The following DPH6 variants were observed in gnomAD, a reference collection of about 807,000 sequenced individuals.
The protein encoded by DPH6 is diphthine--ammonia ligase.
Under a neutral mutation model 38.2 loss-of-function variants are expected in DPH6, and 33 were observed. The observed-to-expected ratio is 0.86, with a 90% CI of 0.65 to 1.15. DPH6 has a LOEUF of 1.15. Ranked by LOEUF, DPH6 falls within the 50% of genes most tolerant of loss-of-function variation. DPH6 has a pLI of 0.00. For missense variants in DPH6, 325 were observed against 320.0 expected (o/e 1.02, Z -0.12); for synonymous variants, 108 against 103.0 (o/e 1.05, Z -0.30).
chr15:35,246,588 C>A (rs1032355522), intron 3 of DPH6, among the ~76,000 whole-genome samples: 4 of 152,134 alleles, frequency 2.6e-5, no homozygotes, highest in Non-Finnish European at 5.9e-5. Flanking sequence ...TTTGCACTAC[C>A]CCATGATACA....
chr15:35,399,348 A>C (rs2053187946), intron 6 of DPH6, among the ~76,000 whole-genome samples: 1 of 152,202 alleles, frequency 6.6e-6, no homozygotes, highest in African/African-American at 2.4e-5. Context: ...AAATTCTAGA[A>C]AGAACAAAAT....
chr15:35,252,274 T>TG (rs2051680162), intron 3 of DPH6, among the ~76,000 whole-genome samples: 1 of 152,182 alleles, frequency 6.6e-6, no homozygotes, highest in South Asian at 2.1e-4. Flanking sequence ...ATGAAAAAAT[T>TG]GAAGCACAGA....
chr15:35,485,024 C>CAG (rs1484271988), intron 3 of DPH6, among the ~76,000 whole-genome samples: 1 of 152,108 alleles, frequency 6.6e-6, no homozygotes, highest in African/African-American at 2.4e-5. Flanking sequence ...CATTTATTGA[C>CAG]TACTTACCAC....
chr15:35,423,456 T>C (rs2053531248), intron 5 of DPH6, among the ~76,000 whole-genome samples: 1 of 151,726 alleles, frequency 6.6e-6, no homozygotes, highest in Non-Finnish European at 1.5e-5. Context: ...CTCCTTAACA[T>C]ATATAGGATT....
At chr15:35,489,360 C>T in intron 3 of DPH6, 1 of 985,292 alleles carries the variant, frequency 1.0e-6, no homozygotes, top group Non-Finnish European at 1.2e-6. Context: ...ATCCCTGGTC[C>T]CAGTTTCATT....
chr15:35,249,822 C>T (rs2051659367), intron 3 of DPH6, among the ~76,000 whole-genome samples: 1 of 152,044 alleles, frequency 6.6e-6, no homozygotes, highest in South Asian at 2.1e-4. Flanking sequence ...TACTTATAAG[C>T]ACAGCATAAA....
chr15:35,506,082 G>C (rs1467527708), intron 3 of DPH6, among the ~76,000 whole-genome samples: 1 of 151,922 alleles, frequency 6.6e-6, no homozygotes, highest in African/African-American at 2.4e-5. Context: ...ATTTGTTAAG[G>C]AAAAAACTTA....
intron 3 of DPH6, among the ~76,000 whole-genome samples, chr15:35,306,088 T>C (rs1170920737): frequency 4.6e-5 from 7 of 152,174 alleles, no homozygotes; most frequent in African/African-American, 1.2e-4. Context: ...TCTCAAATGA[T>C]TGATGTGCTA....
chr15:35,492,656 A>G (rs2054500321), intron 3 of DPH6, among the ~76,000 whole-genome samples: 1 of 152,164 alleles, frequency 6.6e-6, no homozygotes, highest in African/African-American at 2.4e-5. Flanking sequence ...TCTGCCAGGT[A>G]TTTAACATGT....
chr15:35,328,429 G>T (rs915676611), downstream of DPH6, among the ~76,000 whole-genome samples: 8 of 152,044 alleles, frequency 5.3e-5, no homozygotes, highest in African/African-American at 1.9e-4. Context: ...TAAACGTTGT[G>T]AGTACAGAAA....
rs550033907 is a variant in DPH6 at position 35,417,537 on chromosome 15, G to A, written c.506-6641C>T. ...CATTTTAAAAAAAGTCAATGTCTGA[G>A]TTAAATTTTAACACAAAAGCTAGAC... On this transcript the variant is annotated intron_variant, in intron 5 of 8. Coordinates refer to ENST00000256538, the MANE Select transcript of DPH6 (RefSeq NM_080650.4). Among the ~76,000 whole-genome samples, 154 of 152,046 alleles carry A rather than the reference G, an allele frequency of 1.0e-3. 1 individual carries two copies. The highest frequency in any genetic ancestry group is 3.6e-3 in the African/African-American group (149 of 41,498).
At chr15:35,234,716 T>G (rs1037065728) in intron 3 of DPH6, among the ~76,000 whole-genome samples, 7 of 152,250 alleles carry the variant, frequency 4.6e-5, no homozygotes, top group African/African-American at 1.7e-4. Flanking sequence ...TAAAATAGGA[T>G]TGGGCATGTG....
chr15:35,287,404 T>C (rs9989306), intron 3 of DPH6, among the ~76,000 whole-genome samples: 4,655 of 152,260 alleles, frequency 0.031, 208 homozygotes, highest in African/African-American at 0.1. Flanking sequence ...TATTTGCAGT[T>C]ACTTTCATGT....
At chr15:35,265,379 G>A (rs1012398697) in intron 3 of DPH6, among the ~76,000 whole-genome samples, 4 of 152,122 alleles carry the variant, frequency 2.6e-5, no homozygotes, top group Admixed American at 1.3e-4. Context: ...TCTCTTGAAG[G>A]CATCCACAAT....
At chr15:35,177,048 C>T in the DPH6 span, among the ~76,000 whole-genome samples, 2 of 152,134 alleles carry the variant, frequency 1.3e-5, no homozygotes, top group African/African-American at 2.4e-5. Flanking sequence ...CCAATGAATG[C>T]TACTATTCCA....
intron 3 of DPH6, among the ~76,000 whole-genome samples, chr15:35,364,611 G>C (rs1261962630): frequency 6.6e-6 from 1 of 151,968 alleles, no homozygotes; most frequent in African/African-American, 2.4e-5. Context: ...ATAAAAATTT[G>C]ATTTCATTGA....
At chr15:35,191,035 A>G in the DPH6 span, among the ~76,000 whole-genome samples, 1 of 152,220 alleles carries the variant, frequency 6.6e-6, no homozygotes, top group African/African-American at 2.4e-5. Flanking sequence ...CCAAATTGCC[A>G]TACCTTTAGG....
At chr15:35,378,878 A>T (rs1324107706) in intron 7 of DPH6, among the ~76,000 whole-genome samples, 1 of 152,146 alleles carries the variant, frequency 6.6e-6, no homozygotes, top group Admixed American at 6.6e-5. Context: ...AATGTAGGTT[A>T]TGGGTTGATG....
chr15:35,436,031 G>T (rs2053695551), intron 5 of DPH6, among the ~76,000 whole-genome samples: 1 of 151,844 alleles, frequency 6.6e-6, no homozygotes, highest in South Asian at 2.1e-4. Flanking sequence ...TGCACATATG[G>T]CCATAGCTGC....
Sources: allele counts gnomAD v4.1 joint callset (sites outside exome capture counted in the v4.1 genomes callset), GRCh38; gene constraint gnomAD v4.1.1; transcripts MANE v1.5; gene names NCBI Gene and HGNC (gene_info 2026-07-23, HGNC 2026-07-21).